SLC6A18: variants seen among roughly 807,000 people sequenced by gnomAD.
SLC6A18 encodes the protein solute carrier family 6 member 18, also known as inactive sodium-dependent neutral amino acid transporter B(0)AT3.
Under a neutral mutation model 62.9 loss-of-function variants are expected in SLC6A18, and 58 were observed. The observed-to-expected ratio is 0.92, with a 90% CI of 0.75 to 1.15. SLC6A18 has a LOEUF of 1.15. Ranked by LOEUF, SLC6A18 falls within the 50% of genes most tolerant of loss-of-function variation. The pLI is 0.00. For missense variants in SLC6A18, 793 were observed against 836.6 expected (o/e 0.95, Z 0.64); for synonymous variants, 382 against 365.8 (o/e 1.04, Z -0.51).
chr5:1,242,737 C>G lies in SLC6A18; in HGVS notation c.1005C>G (p.Asp335Glu), dbSNP rs768246507. ...TCCTCAGCCTCATCAACGACTTTGACTTCCCAGAGCAGAGCATCTCCAGGG... is the reference window on the plus strand; with the variant it reads ...TCCTCAGCCTCATCAACGACTTTGAGTTCCCAGAGCAGAGCATCTCCAGGG... ...RNILSLINDFDFPEQSISRDD... is the reference protein window; with the variant it reads ...RNILSLINDFEFPEQSISRDD... Residue 335 changes from aspartate (D) to glutamate (E), a missense_variant, in exon 8 of 12, where the codon GAC becomes GAG. Coordinates refer to ENST00000324642, the MANE Select transcript of SLC6A18 (RefSeq NM_182632.3). 1 of 1,612,530 alleles carries G rather than the reference C, an allele frequency of 6.2e-7. No individual in the cohort carries two copies. Among genetic ancestry groups the G allele is most frequent in the African/African-American group, 1.3e-5 (1 of 75,018 alleles).
chr5:1,226,973 C>CGCCTTGCCCCCCGAT (rs1746590747), intron 1 of SLC6A18, among the ~76,000 whole-genome samples: 2 of 102,030 alleles, frequency 2.0e-5, no homozygotes, highest in Non-Finnish European at 4.2e-5. Flanking sequence ...TGCCCACCGA[C>CGCCTTGCCCCCCGAT]GCCTTGCCCA....
chr5:1,244,363 G>C lies in SLC6A18; in HGVS notation c.1486G>C (p.Gly496Arg). 1.2e-6 allele frequency: 2 copies of C among 1,613,210 alleles called. No homozygotes were observed. Among genetic ancestry groups the C allele is most frequent in the Non-Finnish European group, 1.7e-6 (2 of 1,179,490 alleles). Residue 496 changes from glycine (G) to arginine (R), a missense_variant, in exon 10 of 12, where the codon GGA becomes CGA. By Grantham distance (125) the Gly-to-Arg change is moderately radical (BLOSUM62 -2). Coordinates refer to ENST00000324642, the MANE Select transcript of SLC6A18 (RefSeq NM_182632.3). ...LEVVGVVYVY[G>R]MKRFCDDIAW... ...GGTTGTGGGTGTCGTTTATGTTTAT[G>C]GAATGAAACGGTGAGCTGCCGCCCC...
At chr5:1,242,567 A>T (rs1478588759) in intron 7 of SLC6A18, 140 bp from the exon 8 acceptor site, 2 of 1,147,440 alleles carry the variant, frequency 1.7e-6, no homozygotes, top group Admixed American at 2.8e-5. Context: ...CAGGGGCAGG[A>T]GGGGCCCACA....
Position 1,241,408 on chromosome 5 carries a change from CA to C in SLC6A18, c.974+750del, listed in dbSNP as rs1554037020. On this transcript the variant is annotated intron_variant, in intron 7 of 11. Coordinates refer to ENST00000324642, the MANE Select transcript of SLC6A18 (RefSeq NM_182632.3). The surrounding 1 kb of genome is among the most constrained non-coding windows in gnomAD (Gnocchi z 7.8). The stretch of plus-strand genomic sequence containing the variant: ...ACACTTGTGTGAGGGGTGTGCCTGG[CA>C]TCCAGTGGGTGGAGGCCGAGGATAC... Among the ~76,000 whole-genome samples the C allele has an allele frequency of 6.6e-6, 1 of 152,160 alleles. No homozygotes were observed. The highest frequency in any genetic ancestry group is 1.5e-5 in the Non-Finnish European group (1 of 68,026).
rs1340399220 is a variant in SLC6A18 at position 1,243,837 on chromosome 5, C to T, written c.1336+78C>T. The T allele has an allele frequency of 3.1e-5, 42 of 1,377,020 alleles. No individual in the cohort carries two copies. The East Asian group carries it at 9.7e-4, about 32-fold the overall frequency. The allele number at this position is 1,377,020 out of a possible 1,614,324, so 85.3% of individuals were successfully genotyped here. ...CCACTCCCGCCCGCTGTCCAGACGC[C>T]CCTCCTGGATGGAGAGCGCAAGGGG... On this transcript the variant is annotated intron_variant, in intron 9 of 11. Transcript: ENST00000324642. The surrounding 1 kb of genome is among the most constrained non-coding windows in gnomAD (Gnocchi z 6.5).
rs1747139108 is a variant in SLC6A18, at chr5:1,243,910, C to T, written c.1336+151C>T. The T allele has an allele frequency of 2.6e-5, 22 of 853,918 alleles. No individual in the cohort carries two copies. Among genetic ancestry groups the T allele is most frequent in the South Asian group, 3.6e-5 (2 of 55,146 alleles). 52.9% of individuals were successfully genotyped at this position (853,918 alleles called of 1,614,324 possible). A position where few individuals can be genotyped will look rare whatever the true frequency, so the allele number is the denominator to read the frequency against. On this transcript the variant is annotated intron_variant, in intron 9 of 11. Transcript: ENST00000324642. This position sits in a 1 kb window ranked among gnomAD's most constrained non-coding sequence, Gnocchi z 6.5. ...GCTGAGCCAGGCTACTCCTTGCTGA[C>T]AGCCATCAACGGAGAGCCGAGGGTC...
chr5:1,234,966 G>A (rs1020881048), intron 3 of SLC6A18, among the ~76,000 whole-genome samples: 6 of 152,216 alleles, frequency 3.9e-5, no homozygotes, highest in East Asian at 1.9e-4. Flanking sequence ...GAGATGTCAC[G>A]GGAGCCTGCT....
chr5:1,230,685 C>T (rs372732298), intron 1 of SLC6A18, among the ~76,000 whole-genome samples: 8 of 152,296 alleles, frequency 5.3e-5, no homozygotes, highest in Admixed American at 1.3e-4. Flanking sequence ...AGAAGCCGGA[C>T]CCTGCCTGGC....
rs766145796 is a variant in SLC6A18 at position 1,246,029 on chromosome 5, C to A, written c.1838C>A (p.Thr613Lys). The change falls in exon 12 of 12, where the codon ACG (threonine) becomes AAG (lysine). Residue 613 changes from threonine (T) to lysine (K), a missense_variant. Coordinates refer to ENST00000324642, the MANE Select transcript of SLC6A18 (RefSeq NM_182632.3). The stretch of plus-strand genomic sequence containing the variant: ...CCAGACACGGACATGCGCCCGGACA[C>A]GGACACGCGCCCAGACACGGACATG... Reference protein sequence around the residue: ...ARPDTDMRPDTDTRPDTDMRP... With the variant: ...ARPDTDMRPDKDTRPDTDMRP... The A allele has an allele frequency of 6.3e-7, 1 of 1,593,604 alleles. No individual in the cohort carries two copies. The highest frequency in any genetic ancestry group is 1.7e-5 in the Admixed American group (1 of 59,036).
In SLC6A18 at chr5:1,246,170, C is replaced by T; in HGVS notation, c.*92C>T. 1 of 1,427,806 alleles carries T rather than the reference C, an allele frequency of 7.0e-7. No individual in the cohort carries two copies. The highest frequency in any genetic ancestry group is 9.2e-7 in the Non-Finnish European group (1 of 1,084,840). 88.4% of individuals were successfully genotyped at this position (1,427,806 alleles called of 1,614,324 possible). A position where few individuals can be genotyped will look rare whatever the true frequency, so the allele number is the denominator to read the frequency against. The stretch of plus-strand genomic sequence containing the variant: ...CCCGCCCACAGGGCCGACCCCAATA[C>T]ACCAGCGACTCAACCTTGATGCCGC... On this transcript the variant is annotated 3_prime_UTR_variant, in exon 12 of 12. Coordinates refer to ENST00000324642, the MANE Select transcript of SLC6A18 (RefSeq NM_182632.3).
chr5:1,229,354 T>C (rs1746663620), intron 1 of SLC6A18, among the ~76,000 whole-genome samples: 1 of 151,756 alleles, frequency 6.6e-6, no homozygotes, highest in East Asian at 1.9e-4. Context: ...CTCCCCTAAA[T>C]ACAGCAGATT....
At chr5:1,237,842 C>CG in intron 4 of SLC6A18, 108 bp from the exon 5 acceptor site, 1 of 821,998 alleles carries the variant, frequency 1.2e-6, no homozygotes, top group Non-Finnish European at 2.0e-6. Flanking sequence ...ATACCAGAGG[C>CG]AGCCACTCTG....
Position 1,240,519 on chromosome 5 carries a change from G to C in SLC6A18, c.846-12G>C, listed in dbSNP as rs200879273. The C allele has an allele frequency of 4.6e-5, 74 of 1,613,866 alleles. No individual in the cohort carries two copies. The highest frequency in any genetic ancestry group is 6.3e-5 in the Non-Finnish European group (74 of 1,179,922). ...CCTGCAAAGCCTGTGATGAGCGTGCGTTTGTGCCCAGGAATGACTGCCAGA... is the reference window on the plus strand; with the variant it reads ...CCTGCAAAGCCTGTGATGAGCGTGCCTTTGTGCCCAGGAATGACTGCCAGA... On this transcript the variant is annotated splice_polypyrimidine_tract_variant and intron_variant, in intron 6 of 11. Transcript: ENST00000324642.
rs368109053 is a variant in SLC6A18, at chr5:1,237,935, A to G, written c.622-15A>G. The G allele has an allele frequency of 1.5e-4, 237 of 1,606,306 alleles. 1 individual carries two copies. The African/African-American group carries it at 2.9e-3, about 20-fold the overall frequency. ...AGGCCATTTCAAGTCTCATGACTCC[A>G]CCTTTTGTTTCAAGGTGATTTACTT... On this transcript the variant is annotated splice_polypyrimidine_tract_variant and intron_variant, in intron 4 of 11. Coordinates refer to ENST00000324642, the MANE Select transcript of SLC6A18 (RefSeq NM_182632.3).
intron 1 of SLC6A18, among the ~76,000 whole-genome samples, chr5:1,226,179 G>A (rs1319783608): frequency 1.3e-5 from 2 of 152,142 alleles, no homozygotes; most frequent in African/African-American, 4.8e-5. Context: ...GAACTGTCTG[G>A]GTGACTTTAG....
intron 2 of SLC6A18, 80 bp downstream of exon 2, chr5:1,232,439 G>C: frequency 4.6e-6 from 7 of 1,507,972 alleles, no homozygotes; most frequent in East Asian, 2.4e-5. Context: ...GCGGGGGCGG[G>C]TCCATGCCTG....
chr5:1,235,467 C>G lies in SLC6A18; in HGVS notation c.440-14C>G. On this transcript the variant is annotated splice_polypyrimidine_tract_variant and intron_variant, in intron 3 of 11. Transcript: ENST00000324642. ...CGCCCCACAGCCAGCCTGTGACAGG[C>G]CCCCTGGTTTCAGGGTTTGTGGAGG... 2 of 1,611,106 alleles carry G rather than the reference C, an allele frequency of 1.2e-6. No homozygotes were observed. Among genetic ancestry groups the G allele is most frequent in the Non-Finnish European group, 1.7e-6 (2 of 1,177,842 alleles).
At position 1,243,891 on chromosome 5, in the gene SLC6A18, C is replaced by T. The variant is rs138520447; in HGVS notation, c.1336+132C>T. The T allele has an allele frequency of 0.017, 15,625 of 912,706 alleles. 163 individuals carry two copies. The highest frequency in any genetic ancestry group is 0.032 in the Middle Eastern group (94 of 2,924). 56.5% of individuals were successfully genotyped at this position (912,706 alleles called of 1,614,324 possible). ...AGCCTGAGTTCAGGGAAAGGCTGAG[C>T]CAGGCTACTCCTTGCTGACAGCCAT... On this transcript the variant is annotated intron_variant, in intron 9 of 11. Coordinates refer to ENST00000324642, the MANE Select transcript of SLC6A18 (RefSeq NM_182632.3). The surrounding 1 kb of genome is among the most constrained non-coding windows in gnomAD (Gnocchi z 6.5).
intron 4 of SLC6A18, 89 bp from the exon 5 acceptor site, chr5:1,237,861 G>A: frequency 1.0e-6 from 1 of 983,800 alleles, no homozygotes; most frequent in South Asian, 1.4e-5. Flanking sequence ...TGACCACAAG[G>A]GCGGTGTCTG....
Sources: allele counts gnomAD v4.1 joint callset (sites outside exome capture counted in the v4.1 genomes callset), GRCh38; gene constraint gnomAD v4.1.1; non-coding constraint Gnocchi (gnomAD v3.1); transcripts MANE v1.5; gene names NCBI Gene and HGNC (gene_info 2026-07-23, HGNC 2026-07-21).